Variants in DCC observed in about 807,000 individuals in gnomAD.
DCC encodes netrin receptor DCC.
A neutral mutation model predicts 172.5 loss-of-function variants in DCC; 58 were observed. That is an observed-to-expected ratio of 0.34 (90% CI 0.27 to 0.42). The LOEUF is 0.42. DCC is among the 10% of genes least tolerant of loss of function. The pLI, the probability that DCC is intolerant of heterozygous loss-of-function variation, is 1.00. For missense variants in DCC, 1,740 were observed against 1,791.0 expected (o/e 0.97, Z 0.51); for synonymous variants, 709 against 644.5 (o/e 1.10, Z -1.52).
At chr18:53,267,089 C>T (rs1004604406) in intron 12 of DCC, among the ~76,000 whole-genome samples, 1 of 145,880 alleles carries the variant, frequency 6.9e-6, no homozygotes, top group Admixed American at 6.9e-5. Flanking sequence ...CCTTTATATA[C>T]ACACACACAC....
chr18:53,404,402 GAA>G (rs771526090), intron 19 of DCC, among the ~76,000 whole-genome samples: 3 of 85,046 alleles, frequency 3.5e-5, no homozygotes, highest in African/African-American at 3.2e-5. Flanking sequence ...GCTTCTTCAG[GAA>G]AAAAAAAAAA....
intron 15 of DCC, among the ~76,000 whole-genome samples, chr18:53,382,331 A>G (rs1907825581): frequency 1.3e-5 from 2 of 152,072 alleles, no homozygotes; most frequent in Admixed American, 6.6e-5. Flanking sequence ...CAATAACTCA[A>G]AAGAATATAT....
Position 53,391,844 on chromosome 18 carries a change from C to G in DCC, c.2645C>G (p.Thr882Ser). The G allele has an allele frequency of 6.2e-7, 1 of 1,613,262 alleles. No homozygotes were observed. Among genetic ancestry groups the G allele is most frequent in the Non-Finnish European group, 8.5e-7 (1 of 1,179,216 alleles). Residue 882 changes from threonine (T) to serine (S), a missense_variant, in exon 17 of 29, where the codon ACC becomes AGC. This residue lies in a region of DCC where 1,732 missense variants were observed against 1,767.4 expected (regional missense o/e 0.98). Coordinates refer to ENST00000442544, the MANE Select transcript of DCC (RefSeq NM_005215.4). Reference protein sequence around the residue: ...NQKTSEVRLYTVRWRTSFSAS... With the variant: ...NQKTSEVRLYSVRWRTSFSAS... The stretch of plus-strand genomic sequence containing the variant: ...AAGACGTCTGAGGTGCGACTTTACA[C>G]CGTCCGGTGGAGAACCAGCTTTTCT...
intron 1 of DCC, among the ~76,000 whole-genome samples, chr18:52,691,584 T>A (rs1192718539): frequency 6.6e-6 from 1 of 152,156 alleles, no homozygotes; most frequent in Non-Finnish European, 1.5e-5. Flanking sequence ...CAGGGGGGCT[T>A]CTTCCCTCTG....
At chr18:53,278,261 C>T (rs930659179) in intron 12 of DCC, among the ~76,000 whole-genome samples, 7 of 152,012 alleles carry the variant, frequency 4.6e-5, no homozygotes, top group African/African-American at 1.7e-4. Context: ...GTGCTGTTCT[C>T]ATTTTCTAGA....
chr18:52,562,261 G>GCTAT (rs2033057353), intron 1 of DCC, among the ~76,000 whole-genome samples: 1 of 152,126 alleles, frequency 6.6e-6, no homozygotes, highest in African/African-American at 2.4e-5. Flanking sequence ...TTTGGAAAGT[G>GCTAT]CTATATGAAC....
intron 1 of DCC, among the ~76,000 whole-genome samples, chr18:52,590,012 G>T (rs964011257): frequency 2.0e-5 from 3 of 152,012 alleles, no homozygotes; most frequent in African/African-American, 7.2e-5. Context: ...TTTAAAAAAA[G>T]ATATACTTTC....
chr18:52,482,301 C>G (rs558235415), intron 1 of DCC, among the ~76,000 whole-genome samples: 5 of 152,226 alleles, frequency 3.3e-5, no homozygotes, highest in African/African-American at 1.2e-4. Context: ...GCTTAATTAC[C>G]TAAGTACCTC....
chr18:52,675,350 C>G (rs9955309), intron 1 of DCC, among the ~76,000 whole-genome samples: 1 of 152,042 alleles, frequency 6.6e-6, no homozygotes, highest in Non-Finnish European at 1.5e-5. Flanking sequence ...CCACCATGCC[C>G]GGCCTAATCC....
intron 8 of DCC, among the ~76,000 whole-genome samples, chr18:53,163,938 G>A (rs997792156): frequency 1.3e-5 from 2 of 152,160 alleles, no homozygotes; most frequent in African/African-American, 4.8e-5. Flanking sequence ...ACTAGGCTAA[G>A]CATCTTACAT....
At chr18:52,719,441 C>T (rs1305149961) in intron 1 of DCC, among the ~76,000 whole-genome samples, 4 of 151,942 alleles carry the variant, frequency 2.6e-5, no homozygotes, top group African/African-American at 4.8e-5. Flanking sequence ...GTGAGGGCTC[C>T]GACGGGGAGG....
intron 9 of DCC, among the ~76,000 whole-genome samples, chr18:53,196,702 C>T (rs1291928232): frequency 2.6e-5 from 4 of 151,980 alleles, no homozygotes; most frequent in Non-Finnish European, 5.9e-5. Context: ...GTGTGTTTAT[C>T]CATATCTGCA....
chr18:53,372,919 T>C (rs973608249), intron 15 of DCC, among the ~76,000 whole-genome samples: 1 of 152,144 alleles, frequency 6.6e-6, no homozygotes, highest in African/African-American at 2.4e-5. Context: ...TCTAGGTTTG[T>C]AGCCCCTTTT....
chr18:53,457,171 G>A (rs1478348892), intron 23 of DCC, among the ~76,000 whole-genome samples: 1 of 152,166 alleles, frequency 6.6e-6, no homozygotes, highest in Non-Finnish European at 1.5e-5. Context: ...AAAAATGCCT[G>A]TTCATTTTAT....
At chr18:53,517,238 A>C in intron 27 of DCC, among the ~76,000 whole-genome samples, 1 of 150,902 alleles carries the variant, frequency 6.6e-6, no homozygotes. Flanking sequence ...CATAGGTGGG[A>C]ATTGAACAAT....
intron 15 of DCC, among the ~76,000 whole-genome samples, chr18:53,353,528 AT>A (rs34755819): frequency 0.27 from 40,088 of 151,136 alleles, 6,036 homozygotes; most frequent in African/African-American, 0.41. Flanking sequence ...AACTGGTGTC[AT>A]TTTTTTTTAC....
At chr18:52,594,026 C>G (rs775008228) in intron 1 of DCC, among the ~76,000 whole-genome samples, 2 of 152,082 alleles carry the variant, frequency 1.3e-5, no homozygotes, top group Non-Finnish European at 2.9e-5. Context: ...TATAAGAGGG[C>G]AAAATAGGGA....
At chr18:53,010,576 T>C (rs1022784395) in intron 5 of DCC, among the ~76,000 whole-genome samples, 4 of 151,234 alleles carry the variant, frequency 2.6e-5, no homozygotes, top group African/African-American at 4.8e-5. Context: ...TATATGTACA[T>C]AGGTGTACAT....
intron 1 of DCC, among the ~76,000 whole-genome samples, chr18:52,469,409 C>T (rs995317243): frequency 6.6e-6 from 1 of 152,130 alleles, no homozygotes; most frequent in African/African-American, 2.4e-5. Context: ...AATGGTGTTG[C>T]TATTAGCCAA....
Sources: gnomAD v4.1 joint callset for allele counts (sites outside exome capture counted in the v4.1 genomes callset) on GRCh38, gnomAD v4.1.1 for gene constraint, gnomAD v4.1.1 regional missense constraint, MANE v1.5 for transcripts, NCBI Gene and HGNC (gene_info 2026-07-23, HGNC 2026-07-21) for gene names.